Variants in ERG observed in about 807,000 individuals in gnomAD.
ERG encodes the protein ETS transcription factor ERG.
Under a neutral mutation model 55.3 loss-of-function variants are expected in ERG, and 9 were observed. That is an observed-to-expected ratio of 0.16 (90% CI 0.10 to 0.28). The LOEUF is 0.28. ERG is among the 10% of genes least tolerant of loss of function. The pLI is 1.00. For synonymous variants in ERG, 223 were observed against 237.3 expected (o/e 0.94, Z 0.55); for missense variants, 434 against 631.6 (o/e 0.69, Z 3.35).
Position 38,508,957 on chromosome 21 carries a change from T to G in ERG, c.-41+66705A>C, listed in dbSNP as rs75643474. On this transcript the variant is annotated intron_variant, in intron 2 of 8. Coordinates refer to the ERG transcript ENST00000398897. ...ATACGGGGAGAAAGCCCAAGCCATG[T>G]GACGAGGCCATTTGTAGGTGTTCCA... is the stretch of plus-strand genomic sequence containing the variant. 9.8e-3 allele frequency among the ~76,000 whole-genome samples: 1,486 copies of G among 152,324 alleles called. 30 individuals are homozygous for G. Among genetic ancestry groups the G allele is most frequent in the African/African-American group, 0.033 (1,388 of 41,562 alleles).
chr21:38,659,034 A>G (rs2060536270), intron 1 of ERG, among the ~76,000 whole-genome samples: 1 of 152,262 alleles, frequency 6.6e-6, no homozygotes, highest in South Asian at 2.1e-4. Context: ...TGAAGTAATT[A>G]TAAAATGTTA....
intron 1 of ERG, among the ~76,000 whole-genome samples, chr21:38,453,809 G>A (rs1433793174): frequency 6.6e-6 from 1 of 151,318 alleles, no homozygotes; most frequent in Non-Finnish European, 1.5e-5. Context: ...GCTTGAACCC[G>A]GGAGGGGGAG....
chr21:38,444,128 T>G (rs1233484312), intron 2 of ERG, among the ~76,000 whole-genome samples: 2 of 152,226 alleles, frequency 1.3e-5, no homozygotes, highest in African/African-American at 4.8e-5. Context: ...ACGCAACCGT[T>G]TCCAGACTTA....
chr21:38,438,456 T>C (rs565512425), intron 2 of ERG, among the ~76,000 whole-genome samples: 135 of 152,356 alleles, frequency 8.9e-4, no homozygotes, highest in African/African-American at 2.9e-3. Flanking sequence ...ATAAACAGTA[T>C]GTCTAAGGCC....
rs913069169 is a variant in ERG at position 38,498,055 on chromosome 21, C to T, written c.18+308G>A. Among the ~76,000 whole-genome samples the T allele has an allele frequency of 5.3e-5, 8 of 152,186 alleles. No individual in the cohort carries two copies. The South Asian group carries it at 1.7e-3, about 32-fold the overall frequency. On this transcript the variant is annotated intron_variant, in intron 1 of 9. Transcript: ENST00000288319. The surrounding 1 kb of genome is among the most constrained non-coding windows in gnomAD (Gnocchi z 4.6). ...TTTTCTCAGACACACATCCAGGCAC[C>T]GTTAGGGATAGTTAGAGAATCTGAA...
chr21:38,378,364 C>G (rs1413242417), downstream of ERG, among the ~76,000 whole-genome samples: 1 of 152,262 alleles, frequency 6.6e-6, no homozygotes, highest in Admixed American at 6.5e-5. Flanking sequence ...TGGACAAAGG[C>G]TGACCATTCC....
Position 38,420,003 on chromosome 21 carries a change from T to C in ERG, c.388+3407A>G, listed in dbSNP as rs149763933. Reference sequence around the variant, plus strand: ...TGTAAACATCGGCATGTATTGATGATGGTACAAATGTTTAGGAATAACTGA... The same window carrying C: ...TGTAAACATCGGCATGTATTGATGACGGTACAAATGTTTAGGAATAACTGA... On this transcript the variant is annotated intron_variant, in intron 3 of 9. Coordinates refer to ENST00000288319, the MANE Select transcript of ERG (RefSeq NM_182918.4). Among the ~76,000 whole-genome samples the C allele has an allele frequency of 3.6e-3, 553 of 151,962 alleles. 5 individuals carry two copies. Among genetic ancestry groups the C allele is most frequent in the Middle Eastern group, 0.024 (7 of 292 alleles).
chr21:38,624,591 T>C (rs557048563), intron 1 of ERG, among the ~76,000 whole-genome samples: 2 of 152,298 alleles, frequency 1.3e-5, no homozygotes, highest in African/African-American at 4.8e-5. Context: ...TCCACCTCCG[T>C]TCACAGCGTA....
At chr21:38,599,404 C>T (rs2060150835) in intron 1 of ERG, among the ~76,000 whole-genome samples, 1 of 152,192 alleles carries the variant, frequency 6.6e-6, no homozygotes, top group Admixed American at 6.5e-5. Flanking sequence ...CCTTCCGCAC[C>T]CTCCCATGCA....
chr21:38,445,712 G>C, intron 1 of ERG, 91 bp from the exon 2 acceptor site: 1 of 982,306 alleles, frequency 1.0e-6, no homozygotes, highest in East Asian at 2.5e-5. Context: ...TTCTAACTGG[G>C]ACCACATTTT....
intron 1 of ERG, among the ~76,000 whole-genome samples, chr21:38,645,087 A>C (rs1601348527): frequency 6.6e-6 from 1 of 152,200 alleles, no homozygotes; most frequent in East Asian, 1.9e-4. Context: ...TGAGTGTGGG[A>C]GATGGAGGCT....
rs897356820 is a variant in ERG at position 38,456,590 on chromosome 21, C to T, written c.19-10969G>A. Among the ~76,000 whole-genome samples the T allele has an allele frequency of 6.4e-4, 14 of 22,046 alleles. 1 individual carries two copies. Among genetic ancestry groups the T allele is most frequent in the African/African-American group, 1.9e-3 (13 of 6,990 alleles). The allele number at this position is 22,046 out of a possible 152,430, so 14.5% of individuals were successfully genotyped here. The stretch of plus-strand genomic sequence containing the variant: ...GGGTCTCCTTCTTTTGCTTTCTATC[C>T]CCATCCCCATCATTGTTGGCATGGG... On this transcript the variant is annotated intron_variant, in intron 1 of 9. Coordinates refer to ENST00000288319, the MANE Select transcript of ERG (RefSeq NM_182918.4).
intron 1 of ERG, among the ~76,000 whole-genome samples, chr21:38,490,301 G>T (rs1340441713): frequency 6.6e-6 from 1 of 152,076 alleles, no homozygotes; most frequent in Non-Finnish European, 1.5e-5. Context: ...CCTGATTTTA[G>T]TCTTAGAAGA....
intron 2 of ERG, among the ~76,000 whole-genome samples, chr21:38,507,837 C>T (rs1339186794): frequency 2.6e-5 from 4 of 152,060 alleles, no homozygotes; most frequent in Non-Finnish European, 5.9e-5. Flanking sequence ...CAGAACGTGC[C>T]CAGCATCAGT....
chr21:38,527,103 G>A (rs1018799902), intron 2 of ERG, among the ~76,000 whole-genome samples: 9 of 152,190 alleles, frequency 5.9e-5, no homozygotes, highest in African/African-American at 2.2e-4. Context: ...TGAAGTCTCT[G>A]AGATGACCTC....
rs117456015 is a variant in ERG, at chr21:38,519,660, G to C, written c.-41+56002C>G. Among the ~76,000 whole-genome samples, 1,348 of 152,306 alleles carry C rather than the reference G, an allele frequency of 8.9e-3. 10 individuals carry two copies. Among genetic ancestry groups the C allele is most frequent in the Non-Finnish European group, 0.016 (1,079 of 68,006 alleles). On this transcript the variant is annotated intron_variant, in intron 2 of 8. Coordinates refer to the ERG transcript ENST00000398897. ...GCAGAGAAGGATGGAGAATGAATTA[G>C]AGAAGTAAACAAAGAAAGTCGGCAC...
intron 1 of ERG, among the ~76,000 whole-genome samples, chr21:38,478,774 AT>A (rs1332639974): frequency 6.6e-6 from 1 of 152,200 alleles, no homozygotes; most frequent in East Asian, 1.9e-4. Context: ...TTAGTATAGG[AT>A]GCCGTTTTAT....
At chr21:38,448,395 A>G (rs1197886871) in intron 1 of ERG, among the ~76,000 whole-genome samples, 1 of 152,208 alleles carries the variant, frequency 6.6e-6, no homozygotes, top group Non-Finnish European at 1.5e-5. Flanking sequence ...ATTAGAAGGG[A>G]AAAATTCTGA....
chr21:38,587,801 G>A (rs1285200122), upstream of ERG, among the ~76,000 whole-genome samples: 2 of 152,192 alleles, frequency 1.3e-5, no homozygotes, highest in African/African-American at 2.4e-5. Flanking sequence ...TTTTAAAAGC[G>A]TGAACTAAGA....
Sources: allele counts gnomAD v4.1 joint callset (sites outside exome capture counted in the v4.1 genomes callset), GRCh38; gene constraint gnomAD v4.1.1; non-coding constraint Gnocchi (gnomAD v3.1); transcripts MANE v1.5; gene names NCBI Gene and HGNC (gene_info 2026-07-23, HGNC 2026-07-21).